Variants in EYS observed in about 807,000 individuals in gnomAD.
EYS encodes EGF-like photoreceptor maintenance factor.
A neutral mutation model predicts 282.1 loss-of-function variants in EYS; 250 were observed. The observed-to-expected ratio is 0.89, with a 90% CI of 0.80 to 0.98. The LOEUF is 0.98. Among genes scored for constraint, EYS ranks in the 50% least tolerant of loss-of-function variants. The pLI is 0.00. For synonymous variants in EYS, 1,355 were observed against 1,282.9 expected, an observed-to-expected ratio of 1.06 and a Z score of -1.20; for missense variants, 4,016 against 3,709.0, an observed-to-expected ratio of 1.08 and a Z score of -2.15.
At chr6:64,043,430 A>C (rs1770479819) in intron 33 of EYS, among the ~76,000 whole-genome samples, 1 of 152,256 alleles carries the variant, frequency 6.6e-6, no homozygotes, top group South Asian at 2.1e-4. Context: ...CACGCAGGTC[A>C]TGAGGAGCCA....
chr6:64,036,984 G>T (rs889797027), intron 33 of EYS, among the ~76,000 whole-genome samples: 1 of 152,074 alleles, frequency 6.6e-6, no homozygotes, highest in Non-Finnish European at 1.5e-5. Context: ...TGGAGTGTGA[G>T]ATAAAATAAT....
At chr6:64,883,949 T>C (rs192202645) in intron 19 of EYS, among the ~76,000 whole-genome samples, 1 of 151,556 alleles carries the variant, frequency 6.6e-6, no homozygotes, top group African/African-American at 2.4e-5. Flanking sequence ...CTTCCAATTC[T>C]AGATACCACA....
Position 64,813,571 on chromosome 6 carries a change from T to C in EYS, c.3250A>G (p.Thr1084Ala). Reference protein sequence around the residue: ...TQCKIKINDCTSIPCMNEGFC... With the variant: ...TQCKIKINDCASIPCMNEGFC... ...CCTTCATTCATACAAGGGATTGATG[T>C]GCAGTCCTAGATTAAGAAATAGAGA... The change falls in exon 22 of 43, where the codon ACA (threonine) becomes GCA (alanine). Residue 1084 changes from threonine to alanine, a missense_variant. Transcript: ENST00000503581. The C allele has an allele frequency of 6.5e-7, 1 of 1,544,768 alleles. No individual in the cohort carries two copies.
At chr6:65,076,950 C>G (rs2150169227) in intron 12 of EYS, among the ~76,000 whole-genome samples, 1 of 152,046 alleles carries the variant, frequency 6.6e-6, no homozygotes, top group Middle Eastern at 3.4e-3. Context: ...GAAAACTGAA[C>G]TGAGAATTAG....
At chr6:65,537,618 T>A (rs1366654333) in intron 2 of EYS, among the ~76,000 whole-genome samples, 1 of 151,872 alleles carries the variant, frequency 6.6e-6, no homozygotes, top group African/African-American at 2.4e-5. Context: ...AGTTGGAAAA[T>A]CAAAAATTCA....
At chr6:64,872,019 G>C (rs79611686) in intron 19 of EYS, among the ~76,000 whole-genome samples, 6,552 of 152,094 alleles carry the variant, frequency 0.043, 199 homozygotes, top group East Asian at 0.17. Flanking sequence ...CAAATGAAGG[G>C]AGTGGATATA....
At chr6:64,197,903 A>G (rs1765340619) in intron 31 of EYS, among the ~76,000 whole-genome samples, 1 of 151,596 alleles carries the variant, frequency 6.6e-6, no homozygotes, top group African/African-American at 2.4e-5. Flanking sequence ...ATATACATTG[A>G]CTCTAATGAC....
At chr6:64,254,734 C>T (rs144842698) in intron 30 of EYS, among the ~76,000 whole-genome samples, 70 of 152,132 alleles carry the variant, frequency 4.6e-4, no homozygotes, top group African/African-American at 1.6e-3. Flanking sequence ...ATTCTTGCCA[C>T]GTAGTAAATA....
At chr6:64,974,266 T>C (rs923935078) in intron 14 of EYS, among the ~76,000 whole-genome samples, 2 of 151,888 alleles carry the variant, frequency 1.3e-5, no homozygotes, top group South Asian at 2.1e-4. Context: ...GGGGATATAA[T>C]GTATTTGAAG....
chr6:65,029,639 A>G (rs1344301495), intron 13 of EYS, among the ~76,000 whole-genome samples: 4 of 152,064 alleles, frequency 2.6e-5, no homozygotes, highest in South Asian at 4.2e-4. Flanking sequence ...TCCGAGGTCT[A>G]TTCAATTTGA....
intron 12 of EYS, among the ~76,000 whole-genome samples, chr6:65,205,681 A>C (rs1459433739): frequency 1.3e-5 from 2 of 151,886 alleles, no homozygotes; most frequent in African/African-American, 4.8e-5. Flanking sequence ...TCAAAATCAC[A>C]TGAAGTATTT....
At chr6:64,964,341 G>A (rs1158613659) in intron 14 of EYS, among the ~76,000 whole-genome samples, 4 of 151,858 alleles carry the variant, frequency 2.6e-5, no homozygotes, top group Non-Finnish European at 4.4e-5. Flanking sequence ...TGATTAAATG[G>A]ATATTCAGCA....
chr6:65,213,259 C>T (rs192072531), intron 12 of EYS, among the ~76,000 whole-genome samples: 25 of 152,322 alleles, frequency 1.6e-4, no homozygotes, highest in Admixed American at 4.6e-4. Flanking sequence ...GCACCTGCGG[C>T]AACTCTGCTG....
chr6:64,004,650 T>A (rs1431337811), intron 33 of EYS, among the ~76,000 whole-genome samples: 1 of 152,152 alleles, frequency 6.6e-6, no homozygotes, highest in Non-Finnish European at 1.5e-5. Flanking sequence ...CGTTGTTGCC[T>A]TCTTTGTGTT....
At chr6:65,580,505 T>C (rs1436438400) in intron 2 of EYS, among the ~76,000 whole-genome samples, 6 of 152,060 alleles carry the variant, frequency 3.9e-5, no homozygotes, top group African/African-American at 2.4e-5. Context: ...TCTCTTTTAA[T>C]TGAAAACCTA....
intron 41 of EYS, among the ~76,000 whole-genome samples, chr6:63,759,912 T>A (rs570324782): frequency 6.6e-6 from 1 of 152,134 alleles, no homozygotes; most frequent in Non-Finnish European, 1.5e-5. Context: ...TTAGTAAGAA[T>A]CAGTTTCAAT....
At chr6:64,520,603 T>G (rs930169504) in intron 26 of EYS, among the ~76,000 whole-genome samples, 1 of 151,744 alleles carries the variant, frequency 6.6e-6, no homozygotes, top group Non-Finnish European at 1.5e-5. Flanking sequence ...CAGAACATTT[T>G]TATGACTTGA....
intron 12 of EYS, among the ~76,000 whole-genome samples, chr6:65,151,237 T>G (rs1764604397): frequency 6.6e-6 from 1 of 152,016 alleles, no homozygotes; most frequent in African/African-American, 2.4e-5. Context: ...GAAAAAGTAA[T>G]GACTGTGTAA....
chr6:63,970,104 T>C (rs970764148), intron 35 of EYS, among the ~76,000 whole-genome samples: 7 of 152,198 alleles, frequency 4.6e-5, no homozygotes, highest in African/African-American at 1.7e-4. Context: ...CCTGGAGACA[T>C]GGCGAGGTGG....
Sources: gnomAD v4.1 joint callset for allele counts (sites outside exome capture counted in the v4.1 genomes callset) on GRCh38, gnomAD v4.1.1 for gene constraint, MANE v1.5 for transcripts, NCBI Gene and HGNC (gene_info 2026-07-23, HGNC 2026-07-21) for gene names.